B4GALT6: variants seen among roughly 807,000 people sequenced by gnomAD.
B4GALT6 encodes the protein UDP-Gal:beta-GlcNAc beta-1,4-galactosyltransferase 6.
In B4GALT6, 14 loss-of-function variants were observed where a neutral mutation model predicts 46.3. The ratio of observed to expected loss-of-function variants is 0.30; its 90% CI spans 0.20 to 0.47. The LOEUF (loss-of-function observed/expected upper bound fraction) is 0.47. B4GALT6 is among the 20% of genes least tolerant of loss of function. The pLI is 0.99. For synonymous variants in B4GALT6, 168 were observed against 162.0 expected, an observed-to-expected ratio of 1.04 and a Z score of -0.28; for missense variants, 386 against 480.1, an observed-to-expected ratio of 0.80 and a Z score of 1.83.
At chr18:31,724,153 A>G in the B4GALT6 span, 188 of 250,044 alleles carry the variant, frequency 7.5e-4, no homozygotes, top group East Asian at 0.02. Context: ...GGCTGCGTAA[A>G]TAAAGGTGTA....
At chr18:31,631,199 TC>T in intron 5 of B4GALT6, 53 bp from the exon 6 acceptor site, 9 of 1,177,354 alleles carry the variant, frequency 7.6e-6, no homozygotes, top group African/African-American at 5.3e-5. Context: ...CACTTCATCA[TC>T]TTTTTTTTTT....
the B4GALT6 span, among the ~76,000 whole-genome samples, chr18:31,700,293 T>C: frequency 6.6e-6 from 1 of 152,068 alleles, no homozygotes; most frequent in South Asian, 2.1e-4. Flanking sequence ...GAAAGCCACA[T>C]AGACAAGAAT....
At chr18:31,663,819 T>A (rs1028461022) in intron 2 of B4GALT6, among the ~76,000 whole-genome samples, 1 of 152,226 alleles carries the variant, frequency 6.6e-6, no homozygotes, top group African/African-American at 2.4e-5. Flanking sequence ...AAGGAGACTG[T>A]TTTTCTTAAT....
chr18:31,665,427 T>C (rs183039981), intron 2 of B4GALT6, among the ~76,000 whole-genome samples: 1 of 152,330 alleles, frequency 6.6e-6, no homozygotes, highest in East Asian at 1.9e-4. Context: ...GAGCTTCTAC[T>C]TCCAGGTAAC....
At chr18:31,647,058 A>T (rs564113889) in intron 3 of B4GALT6, among the ~76,000 whole-genome samples, 1 of 152,372 alleles carries the variant, frequency 6.6e-6, no homozygotes, top group Admixed American at 6.5e-5. Flanking sequence ...ATCAGTAAAC[A>T]TAAGTACAGA....
intron 1 of B4GALT6, among the ~76,000 whole-genome samples, chr18:31,666,791 CT>C (rs1277922130): frequency 6.6e-6 from 1 of 151,942 alleles, no homozygotes; most frequent in Non-Finnish European, 1.5e-5. Flanking sequence ...GCTAGGATTC[CT>C]TATAAATCCC....
chr18:31,699,023 C>T, the B4GALT6 span, among the ~76,000 whole-genome samples: 2 of 149,826 alleles, frequency 1.3e-5, no homozygotes, highest in Non-Finnish European at 3.0e-5. Flanking sequence ...GCTGAAATGG[C>T]ACCACTGCAG....
chr18:31,682,142 C>A (rs2074487084), intron 1 of B4GALT6, among the ~76,000 whole-genome samples: 1 of 152,164 alleles, frequency 6.6e-6, no homozygotes, highest in African/African-American at 2.4e-5. Context: ...ACTTGTGCAT[C>A]TGACCTACAT....
chr18:31,706,196 A>G, the B4GALT6 span, among the ~76,000 whole-genome samples: 1 of 152,200 alleles, frequency 6.6e-6, no homozygotes, highest in East Asian at 1.9e-4. Context: ...ATGTATATGT[A>G]TAAATGTGTT....
chr18:31,646,332 C>T (rs1383542533), intron 3 of B4GALT6, among the ~76,000 whole-genome samples: 1 of 152,174 alleles, frequency 6.6e-6, no homozygotes, highest in Admixed American at 6.5e-5. Flanking sequence ...AGGAATGAAT[C>T]TTGAATGGAA....
rs2073634472 is a variant in B4GALT6, at chr18:31,622,792, TTAAC to T, written c.*2818_*2821del. The T allele has an allele frequency of 6.6e-6, 1 of 152,098 alleles. No individual in the cohort carries two copies. Among genetic ancestry groups the T allele is most frequent in the South Asian group, 2.1e-4 (1 of 4,832 alleles). The allele number at this position is 152,098 out of a possible 1,614,324, so 9.4% of individuals were successfully genotyped here. A position where few individuals can be genotyped will look rare whatever the true frequency, so the allele number is the denominator to read the frequency against. On this transcript the variant is annotated 3_prime_UTR_variant, in exon 9 of 9. Coordinates refer to ENST00000306851, the MANE Select transcript of B4GALT6 (RefSeq NM_004775.5). ...ATAAAACCCTAGTTTTAGCAAAGAA[TTAAC>T]TATCTCCACTGTGAATTATATATAG...
chr18:31,655,448 C>A (rs1302182343), intron 3 of B4GALT6, among the ~76,000 whole-genome samples: 1 of 152,082 alleles, frequency 6.6e-6, no homozygotes, highest in African/African-American at 2.4e-5. Flanking sequence ...AGAGAAGGGG[C>A]AGTAGTGCTG....
chr18:31,683,829 C>T (rs1287475032), intron 1 of B4GALT6, among the ~76,000 whole-genome samples: 1 of 151,650 alleles, frequency 6.6e-6, no homozygotes. Context: ...CCACTGACCC[C>T]ATTCTAAAAA....
Position 31,623,935 on chromosome 18 carries a change from G to A in B4GALT6, c.*1679C>T, listed in dbSNP as rs1216625217. 6.6e-6 allele frequency: 1 copy of A among 151,916 alleles called. No individual in the cohort carries two copies. 9.4% of individuals were successfully genotyped at this position (151,916 alleles called of 1,614,324 possible). A position where few individuals can be genotyped will look rare whatever the true frequency, so the allele number is the denominator to read the frequency against. On this transcript the variant is annotated 3_prime_UTR_variant, in exon 9 of 9. Coordinates refer to ENST00000306851, the MANE Select transcript of B4GALT6 (RefSeq NM_004775.5). The stretch of plus-strand genomic sequence containing the variant: ...ATTATCCAAACGTTTCTCATATATA[G>A]ATTTCTATTGCTCATCATTGTTGTT...
chr18:31,694,987 G>A, the B4GALT6 span, among the ~76,000 whole-genome samples: 1 of 152,102 alleles, frequency 6.6e-6, no homozygotes, highest in African/African-American at 2.4e-5. Flanking sequence ...CCTGACCCCT[G>A]TCTATAAAAT....
the B4GALT6 span, among the ~76,000 whole-genome samples, chr18:31,704,368 C>T: frequency 2.0e-5 from 3 of 151,828 alleles, no homozygotes; most frequent in Non-Finnish European, 4.4e-5. Flanking sequence ...GCCACCATGC[C>T]CAACTAATTT....
intron 1 of B4GALT6, among the ~76,000 whole-genome samples, chr18:31,676,987 T>C (rs1424780295): frequency 6.6e-6 from 1 of 152,228 alleles, no homozygotes; most frequent in Non-Finnish European, 1.5e-5. Context: ...CAGTTTAACT[T>C]ATATTAAATA....
the B4GALT6 span, among the ~76,000 whole-genome samples, chr18:31,723,490 T>C: frequency 6.6e-6 from 1 of 151,954 alleles, no homozygotes; most frequent in Non-Finnish European, 1.5e-5. Context: ...GCTTCTAGGG[T>C]AAAGGCTGTG....
intron 3 of B4GALT6, among the ~76,000 whole-genome samples, chr18:31,655,441 G>A (rs1216372061): frequency 6.6e-6 from 1 of 152,146 alleles, no homozygotes; most frequent in African/African-American, 2.4e-5. Context: ...GAAGCAGAGA[G>A]AAGGGGCAGT....
Sources: allele counts gnomAD v4.1 joint callset (sites outside exome capture counted in the v4.1 genomes callset), GRCh38; gene constraint gnomAD v4.1.1; transcripts MANE v1.5; gene names NCBI Gene and HGNC (gene_info 2026-07-23, HGNC 2026-07-21).